GFRAL: variants seen among roughly 807,000 people sequenced by gnomAD.
GFRAL encodes the protein GDNF family receptor alpha like.
GFRAL carries 36 observed loss-of-function variants against 45.4 expected under a neutral mutation model. The observed-to-expected ratio is 0.79, with a 90% confidence interval of 0.61 to 1.05. The LOEUF (loss-of-function observed/expected upper bound fraction) is 1.05. Among genes scored for constraint, GFRAL ranks in the 50% least tolerant of loss-of-function variants. The pLI, the probability that GFRAL is intolerant of heterozygous loss-of-function variation, is 0.00. For synonymous variants in GFRAL, 166 were observed against 154.1 expected (o/e 1.08, Z -0.57); for missense variants, 507 against 467.5 (o/e 1.08, Z -0.78).
In GFRAL at chr6:55,333,921, GA is replaced by G. The variant is rs755972268; in HGVS notation, c.300del (p.Lys100AsnfsTer9). 60 of 1,544,318 alleles carry G rather than the reference GA, an allele frequency of 3.9e-5. No homozygotes were observed. The highest frequency in any genetic ancestry group is 1.7e-4 in the Middle Eastern group (1 of 5,804). On this transcript the variant is annotated frameshift_variant, in exon 3 of 9. Transcript: ENST00000340465. LOFTEE classifies it high-confidence loss of function. Reference sequence around the variant, plus strand: ...TATTGTACTGTGAACAAACTGCTTGGAAAAAAATGTATCAATAAATCAGGTA... The same window carrying G: ...TATTGTACTGTGAACAAACTGCTTGGAAAAAATGTATCAATAAATCAGGTA... The part of the protein sequence containing the change: ...DFYCTVNKLL[G>X]KKCINKSDNV...
Position 55,351,465 on chromosome 6 carries a change from G to A in GFRAL, c.583G>A (p.Asp195Asn), listed in dbSNP as rs1224725337. The change falls in exon 5 of 9, where the codon GAT becomes AAT. Residue 195 changes from aspartate to asparagine, a missense_variant. Transcript: ENST00000340465. ...GGCTTTTTGTGACTGTGCTCAATCT[G>A]ATATACCTTGTCAGCAGTCCAAAGA... ...MLAFCDCAQS[D>N]IPCQQSKEAL... is the part of the protein sequence containing the mutation. 1 of 1,613,594 alleles carries A rather than the reference G, an allele frequency of 6.2e-7. No individual in the cohort carries two copies. The highest frequency in any genetic ancestry group is 1.1e-5 in the South Asian group (1 of 91,066).
At chr6:55,361,990 A>C (rs1405505112) in intron 6 of GFRAL, among the ~76,000 whole-genome samples, 1 of 152,024 alleles carries the variant, frequency 6.6e-6, no homozygotes, top group Non-Finnish European at 1.5e-5. Context: ...TTATATTAGC[A>C]CTGTACTCTC....
In GFRAL at chr6:55,345,199, A is replaced by G. The variant is rs1257534339; in HGVS notation, c.317-4893A>G. Among the ~76,000 whole-genome samples the G allele has an allele frequency of 2.6e-5, 4 of 152,186 alleles. No homozygotes were observed. In the South Asian group the frequency reaches 6.2e-4, roughly 24 times the overall value. Reference sequence around the variant, plus strand: ...AGAATTGGAAAAAACTACTTTAAAAAGTTCATATGGAACCAAAAAAGGGCC... The same window carrying G: ...AGAATTGGAAAAAACTACTTTAAAAGGTTCATATGGAACCAAAAAAGGGCC... On this transcript the variant is annotated intron_variant, in intron 3 of 8. Transcript: ENST00000340465.
chr6:55,373,789 G>A (rs551616898), intron 6 of GFRAL, among the ~76,000 whole-genome samples: 1 of 151,680 alleles, frequency 6.6e-6, no homozygotes, highest in Admixed American at 6.6e-5. Context: ...CAGGATATAC[G>A]GTTTGTTACA....
chr6:55,342,359 G>A (rs1262262546), intron 3 of GFRAL, among the ~76,000 whole-genome samples: 2 of 152,048 alleles, frequency 1.3e-5, no homozygotes, highest in Non-Finnish European at 2.9e-5. Flanking sequence ...AAGAGAGTGG[G>A]GACCAATATT....
intron 3 of GFRAL, among the ~76,000 whole-genome samples, chr6:55,343,265 A>T (rs1479372958): frequency 6.6e-6 from 1 of 152,202 alleles, no homozygotes; most frequent in Non-Finnish European, 1.5e-5. Context: ...AAAATTGACC[A>T]CATAGTTGGA....
At position 55,355,255 on chromosome 6, in the gene GFRAL, A is replaced by G. The variant is rs548142911; in HGVS notation, c.702-3633A>G. On this transcript the variant is annotated intron_variant, in intron 5 of 8. Coordinates refer to ENST00000340465, the MANE Select transcript of GFRAL (RefSeq NM_207410.2). ...TCGGGGGCGAGGGGAGGGAACTTAG[A>G]GGACAGGTCAATAGGTGCAGCAAAC... Among the ~76,000 whole-genome samples the G allele has an allele frequency of 2.6e-5, 4 of 152,006 alleles. No individual in the cohort carries two copies. The South Asian group carries it at 8.3e-4, about 32-fold the overall frequency.
At chr6:55,344,384 G>A (rs1768010854) in intron 3 of GFRAL, among the ~76,000 whole-genome samples, 2 of 148,044 alleles carry the variant, frequency 1.4e-5, no homozygotes, top group Admixed American at 1.3e-4. Flanking sequence ...CTGGTTCAAA[G>A]CATACGCAAA....
rs114749574 is a variant in GFRAL at position 55,398,835 on chromosome 6, T to C, written c.953-345T>C. Among the ~76,000 whole-genome samples the C allele has an allele frequency of 6.8e-3, 1,030 of 152,278 alleles. 18 individuals carry two copies. Among genetic ancestry groups the C allele is most frequent in the African/African-American group, 0.024 (986 of 41,568 alleles). On this transcript the variant is annotated intron_variant, in intron 6 of 8. Transcript: ENST00000340465. ...AGGTACATTAAAATAATCACTTTTGTAAAGAAAGGATCTTTTTCAATATCC... is the reference window on the plus strand; with the variant it reads ...AGGTACATTAAAATAATCACTTTTGCAAAGAAAGGATCTTTTTCAATATCC...
In GFRAL at chr6:55,336,832, TAA is replaced by T. The variant is rs1355499313; in HGVS notation, c.316+2890_316+2891del. Among the ~76,000 whole-genome samples the T allele has an allele frequency of 5.3e-5, 8 of 152,278 alleles. No homozygotes were observed. In the East Asian group the frequency reaches 1.2e-3, roughly 22 times the overall value. ...GAGAAAGGCATTCAGTTTTGTACCA[TAA>T]AGAGTGTGTGTGTGTGTTCTTTGCA... On this transcript the variant is annotated intron_variant, in intron 3 of 8. Coordinates refer to ENST00000340465, the MANE Select transcript of GFRAL (RefSeq NM_207410.2).
chr6:55,348,188 T>A lies in GFRAL; in HGVS notation c.317-1904T>A, dbSNP rs1768068323. 1.3e-5 allele frequency among the ~76,000 whole-genome samples: 2 copies of A among 152,038 alleles called. 1 individual carries two copies. The highest frequency in any genetic ancestry group is 4.8e-5 in the African/African-American group (2 of 41,488). On this transcript the variant is annotated intron_variant, in intron 3 of 8. Transcript: ENST00000340465. ...TTTCCTGAACATATTGACCTTCAGC[T>A]CCTCTTTCAGTAAAAGCCACTGTTT... is the stretch of plus-strand genomic sequence containing the variant.
chr6:55,389,305 A>G (rs1768718024), intron 6 of GFRAL, among the ~76,000 whole-genome samples: 1 of 152,244 alleles, frequency 6.6e-6, no homozygotes, highest in East Asian at 1.9e-4. Flanking sequence ...GTGTCTGACC[A>G]TATATTGAAA....
intron 3 of GFRAL, among the ~76,000 whole-genome samples, chr6:55,342,256 G>C (rs1177447220): frequency 6.6e-6 from 1 of 152,178 alleles, no homozygotes; most frequent in East Asian, 1.9e-4. Context: ...AGGAAAAAAT[G>C]TTAAGGGCAG....
intron 3 of GFRAL, among the ~76,000 whole-genome samples, chr6:55,336,527 T>C (rs1767893578): frequency 6.6e-6 from 1 of 152,230 alleles, no homozygotes; most frequent in African/African-American, 2.4e-5. Flanking sequence ...ATTTTACATC[T>C]TAACTTTCTA....
At chr6:55,346,577 G>T (rs1027362584) in intron 3 of GFRAL, among the ~76,000 whole-genome samples, 5 of 151,880 alleles carry the variant, frequency 3.3e-5, no homozygotes, top group African/African-American at 1.2e-4. Flanking sequence ...AGCATTAGGA[G>T]ATATACCTAA....
At chr6:55,344,884 C>A (rs934000708) in intron 3 of GFRAL, among the ~76,000 whole-genome samples, 1 of 152,026 alleles carries the variant, frequency 6.6e-6, no homozygotes, top group Non-Finnish European at 1.5e-5. Flanking sequence ...ACAAGCATTC[C>A]TATACACCAA....
At chr6:55,376,062 C>T (rs1047332232) in intron 6 of GFRAL, among the ~76,000 whole-genome samples, 1 of 152,034 alleles carries the variant, frequency 6.6e-6, no homozygotes, top group African/African-American at 2.4e-5. Flanking sequence ...GAGTTTTTAA[C>T]ATGAAGCGAT....
chr6:55,401,663 T>C (rs1768897513), intron 8 of GFRAL, 127 bp from the exon 9 acceptor site: 1 of 676,022 alleles, frequency 1.5e-6, no homozygotes, highest in Non-Finnish European at 2.6e-6. Context: ...ATTGGGACTT[T>C]ACATTCTGGA....
chr6:55,348,939 G>C (rs991349277), intron 3 of GFRAL, among the ~76,000 whole-genome samples: 1 of 152,044 alleles, frequency 6.6e-6, no homozygotes, highest in Non-Finnish European at 1.5e-5. Flanking sequence ...AGAATGTCCA[G>C]CCTAGACTTT....
Sources: allele counts gnomAD v4.1 joint callset (sites outside exome capture counted in the v4.1 genomes callset), GRCh38; gene constraint gnomAD v4.1.1; transcripts MANE v1.5; gene names NCBI Gene and HGNC (gene_info 2026-07-23, HGNC 2026-07-21).